The following FHIT variants were observed in gnomAD, a reference collection of about 807,000 sequenced individuals.
FHIT encodes fragile histidine triad diadenosine triphosphatase.
FHIT carries 19 observed loss-of-function variants against 17.9 expected under a neutral mutation model. That is an observed-to-expected ratio of 1.06 (90% confidence interval 0.74 to 1.56). The LOEUF (loss-of-function observed/expected upper bound fraction) is 1.56. Among genes scored for constraint, FHIT ranks in the 40% most tolerant of loss-of-function variants. The probability of loss-of-function intolerance (pLI) is 0.00; values close to 1 mark genes in which losing one functional copy is unlikely to be tolerated. For missense variants in FHIT, 248 were observed against 189.2 expected, an observed-to-expected ratio of 1.31 and a Z score of -1.82; for synonymous variants, 81 against 69.7, an observed-to-expected ratio of 1.16 and a Z score of -0.81.
chr3:61,226,427 A>G (rs2106850321), intron 1 of FHIT, among the ~76,000 whole-genome samples: 1 of 152,292 alleles, frequency 6.6e-6, no homozygotes, highest in Middle Eastern at 3.4e-3. Context: ...TAGTCCAGGA[A>G]GAAAAATATC....
intron 5 of FHIT, among the ~76,000 whole-genome samples, chr3:60,269,487 G>A (rs1356875714): frequency 2.6e-5 from 4 of 152,162 alleles, no homozygotes; most frequent in African/African-American, 7.2e-5. Flanking sequence ...TACTTCCTGA[G>A]AACACAAAAG....
chr3:60,065,991 G>A (rs944620235), intron 5 of FHIT, among the ~76,000 whole-genome samples: 1 of 152,084 alleles, frequency 6.6e-6, no homozygotes, highest in Admixed American at 6.5e-5. Flanking sequence ...CCTACCTCCA[G>A]GAGGTCTTCT....
At chr3:60,007,633 A>T (rs888431100) in intron 7 of FHIT, among the ~76,000 whole-genome samples, 6 of 152,222 alleles carry the variant, frequency 3.9e-5, no homozygotes, top group African/African-American at 1.4e-4. Flanking sequence ...CCTAACGAAT[A>T]TATTTAATAT....
intron 3 of FHIT, among the ~76,000 whole-genome samples, chr3:60,955,445 G>T (rs2107472926): frequency 6.6e-6 from 1 of 152,016 alleles, no homozygotes; most frequent in South Asian, 2.1e-4. Flanking sequence ...TTTATATCAG[G>T]AGGTTCTAGA....
chr3:60,192,688 G>T (rs1371389557), intron 5 of FHIT, among the ~76,000 whole-genome samples: 1 of 152,092 alleles, frequency 6.6e-6, no homozygotes. Context: ...CCCAGGATCT[G>T]AACTTCTGGA....
At chr3:60,749,117 A>T (rs1553716155) in intron 4 of FHIT, among the ~76,000 whole-genome samples, 2 of 152,154 alleles carry the variant, frequency 1.3e-5, no homozygotes, top group Non-Finnish European at 2.9e-5. Flanking sequence ...AGTTTGTAAT[A>T]ATGTTTGTTC....
chr3:60,784,600 T>A (rs1193543066), intron 4 of FHIT, among the ~76,000 whole-genome samples: 2 of 152,190 alleles, frequency 1.3e-5, no homozygotes, highest in East Asian at 3.9e-4. Flanking sequence ...CCTCCCAAAA[T>A]TCTGGGATTA....
At chr3:59,917,556 A>G (rs1412766158) in intron 8 of FHIT, among the ~76,000 whole-genome samples, 2 of 152,344 alleles carry the variant, frequency 1.3e-5, no homozygotes, top group Admixed American at 1.3e-4. Flanking sequence ...GGGCCCATTG[A>G]GTTCAGGGAA....
Position 60,462,113 on chromosome 3 carries a change from A to G in FHIT, c.103+74747T>C, listed in dbSNP as rs75373403. On this transcript the variant is annotated intron_variant, in intron 5 of 9. Transcript: ENST00000492590. ...AGCAGGACCGGGGGGATGTTATGCA[A>G]CAAAAACAGTTATAGCCCTTGTCTG... 5.3e-5 allele frequency among the ~76,000 whole-genome samples: 8 copies of G among 152,316 alleles called. No homozygotes were observed. In the South Asian group the frequency reaches 1.0e-3, roughly 20 times the overall value.
At chr3:60,290,922 G>T (rs1424313593) in intron 5 of FHIT, among the ~76,000 whole-genome samples, 2 of 152,136 alleles carry the variant, frequency 1.3e-5, no homozygotes, top group African/African-American at 2.4e-5. Context: ...GCTCATGGGG[G>T]CTGGAGGAGT....
intron 5 of FHIT, among the ~76,000 whole-genome samples, chr3:60,217,994 A>G (rs2107528374): frequency 6.6e-6 from 1 of 152,286 alleles, no homozygotes; most frequent in East Asian, 1.9e-4. Context: ...GCCATTCTCA[A>G]TTTTTGGTTT....
At chr3:60,284,922 T>C (rs1250952060) in intron 5 of FHIT, among the ~76,000 whole-genome samples, 3 of 152,204 alleles carry the variant, frequency 2.0e-5, no homozygotes, top group African/African-American at 7.2e-5. Context: ...CTTTGCTATA[T>C]ACATTTTGAT....
intron 5 of FHIT, among the ~76,000 whole-genome samples, chr3:60,155,879 CCTCT>C (rs985431240): frequency 6.6e-6 from 1 of 152,114 alleles, no homozygotes; most frequent in South Asian, 2.1e-4. Flanking sequence ...CTTTAGACTC[CCTCT>C]CTCTCAGTCC....
At chr3:60,418,320 T>G (rs1357580506) in intron 5 of FHIT, among the ~76,000 whole-genome samples, 2 of 147,358 alleles carry the variant, frequency 1.4e-5, no homozygotes, top group African/African-American at 5.0e-5. Context: ...TCATGCTATA[T>G]TCATACATTA....
intron 4 of FHIT, among the ~76,000 whole-genome samples, chr3:60,562,097 C>T (rs1365064874): frequency 1.3e-5 from 2 of 152,090 alleles, no homozygotes; most frequent in Admixed American, 6.6e-5. Context: ...ATGTGCCAGA[C>T]CCTGTGTTAG....
At chr3:60,887,595 G>A (rs1340965614) in intron 3 of FHIT, among the ~76,000 whole-genome samples, 1 of 152,076 alleles carries the variant, frequency 6.6e-6, no homozygotes, top group Non-Finnish European at 1.5e-5. Flanking sequence ...GCAGTGAGCC[G>A]AGACTGTGCC....
chr3:61,186,285 A>G (rs1215537167), intron 2 of FHIT, among the ~76,000 whole-genome samples: 1 of 152,208 alleles, frequency 6.6e-6, no homozygotes, highest in East Asian at 1.9e-4. Context: ...CCACTTACCC[A>G]GAGAGTCTCT....
chr3:59,906,011 G>C (rs1454450771), intron 8 of FHIT, among the ~76,000 whole-genome samples: 1 of 152,160 alleles, frequency 6.6e-6, no homozygotes, highest in Non-Finnish European at 1.5e-5. Flanking sequence ...AAAAAGATAA[G>C]AGATTCAGGC....
rs17310854 is a variant in FHIT, at chr3:60,092,084, C to A, written c.104-77932G>T. Among the ~76,000 whole-genome samples the A allele has an allele frequency of 2.0e-5, 3 of 152,174 alleles. No homozygotes were observed. The South Asian group carries it at 6.2e-4, about 32-fold the overall frequency. On this transcript the variant is annotated intron_variant, in intron 5 of 9. Transcript: ENST00000492590. ...AATAAAGGCATTTTAAGGAATAGTA[C>A]GACAATAATCTCTAGATACATCTGC... is the stretch of plus-strand genomic sequence containing the variant.
Sources: allele counts gnomAD v4.1 joint callset (sites outside exome capture counted in the v4.1 genomes callset), GRCh38; gene constraint gnomAD v4.1.1; transcripts MANE v1.5; gene names NCBI Gene and HGNC (gene_info 2026-07-23, HGNC 2026-07-21).